TMEM254: variants seen among roughly 807,000 people sequenced by gnomAD.
The protein encoded by TMEM254 is transmembrane protein 254.
In TMEM254, 16 loss-of-function variants were observed where a neutral mutation model predicts 13.9. That is an observed-to-expected ratio of 1.15 (90% CI 0.78 to 1.75). The LOEUF (loss-of-function observed/expected upper bound fraction) is 1.75, where lower values mean the gene tolerates loss of function less well. TMEM254 is among the 40% of genes most tolerant of loss of function. The probability of loss-of-function intolerance (pLI) is 0.00; values close to 1 mark genes in which losing one functional copy is unlikely to be tolerated. For missense variants in TMEM254, 155 were observed against 149.0 expected (o/e 1.04, Z -0.21); for synonymous variants, 61 against 56.4 (o/e 1.08, Z -0.36).
At chr10:80,081,690 A>G (rs747385033) in intron 1 of TMEM254, 151 bp from the exon 2 acceptor site, 4 of 1,590,458 alleles carry the variant, frequency 2.5e-6, no homozygotes, top group African/African-American at 2.7e-5. Context: ...GAAAGAAAAT[A>G]GAAGCCAAGA....
intron 3 of TMEM254, 59 bp downstream of exon 3, chr10:80,082,263 G>C (rs1286887980): frequency 6.3e-6 from 10 of 1,575,954 alleles, no homozygotes; most frequent in African/African-American, 1.3e-5. Context: ...TAAATTGAGA[G>C]CAGCCACATT....
At chr10:80,079,142 C>T (rs894697056) in intron 1 of TMEM254, 12 of 1,307,650 alleles carry the variant, frequency 9.2e-6, no homozygotes, top group Non-Finnish European at 1.1e-5. Context: ...CAGCAAGACC[C>T]TTGCCCTCTC....
At chr10:80,079,155 G>T in intron 1 of TMEM254, 1 of 1,309,130 alleles carries the variant, frequency 7.6e-7, no homozygotes, top group Non-Finnish European at 1.0e-6. Context: ...GCCCTCTCTG[G>T]TCACAGTCCT....
chr10:80,089,685 G>GC (rs1485566244), intron 3 of TMEM254, among the ~76,000 whole-genome samples: 2 of 151,364 alleles, frequency 1.3e-5, no homozygotes, highest in Non-Finnish European at 2.9e-5. Context: ...CTCTGGGGGG[G>GC]TTGGAAAAAG....
At chr10:80,079,194 G>C (rs1391965305) in intron 1 of TMEM254, 1 of 1,292,776 alleles carries the variant, frequency 7.7e-7, no homozygotes, top group African/African-American at 1.5e-5. Context: ...GGTGAGGCGT[G>C]GGGTGGGGCG....
chr10:80,089,673 A>G (rs931486555), intron 3 of TMEM254, among the ~76,000 whole-genome samples: 3 of 122,858 alleles, frequency 2.4e-5, no homozygotes, highest in Admixed American at 1.5e-4. Flanking sequence ...GTGAGACCCC[A>G]TCTCTGGGGG....
intron 3 of TMEM254, chr10:80,086,303 C>T: frequency 1.4e-6 from 2 of 1,413,712 alleles, no homozygotes; most frequent in East Asian, 3.0e-5. Context: ...GAAAACCCTT[C>T]TCCGGGTTAC....
chr10:80,079,064 T>G, intron 1 of TMEM254: 1 of 1,458,548 alleles, frequency 6.9e-7, no homozygotes, highest in Non-Finnish European at 9.2e-7. Context: ...CAGCCAACTC[T>G]GTGTCTGGGT....
intron 3 of TMEM254, among the ~76,000 whole-genome samples, chr10:80,089,512 A>G (rs1844471136): frequency 6.6e-6 from 1 of 152,072 alleles, no homozygotes; most frequent in Non-Finnish European, 1.5e-5. Context: ...CTCTACAAAA[A>G]ACAAACAAAA....
intron 1 of TMEM254, 76 bp from the exon 2 acceptor site, chr10:80,081,765 C>T (rs1844041474): frequency 6.2e-7 from 1 of 1,609,836 alleles, no homozygotes; most frequent in African/African-American, 1.3e-5. Flanking sequence ...TGTTTCACAG[C>T]CTTTCTCAAA....
chr10:80,083,237 A>G (rs913106111), intron 3 of TMEM254, among the ~76,000 whole-genome samples: 4 of 151,436 alleles, frequency 2.6e-5, no homozygotes, highest in African/African-American at 9.7e-5. Flanking sequence ...CCCAGTAGCT[A>G]GGATTACAGA....
intron 1 of TMEM254, among the ~76,000 whole-genome samples, chr10:80,080,578 T>C (rs957781570): frequency 1.3e-5 from 2 of 152,218 alleles, no homozygotes; most frequent in Non-Finnish European, 2.9e-5. Context: ...GTAAAGAAAC[T>C]AGCCAAAGCA....
intron 1 of TMEM254, among the ~76,000 whole-genome samples, chr10:80,080,657 A>C (rs1843951611): frequency 6.6e-6 from 1 of 152,212 alleles, no homozygotes; most frequent in Non-Finnish European, 1.5e-5. Flanking sequence ...AATAGGAGTC[A>C]GCCAGGCATG....
chr10:80,081,527 G>T (rs1056184992), intron 1 of TMEM254: 1 of 656,008 alleles, frequency 1.5e-6, no homozygotes, highest in African/African-American at 1.8e-5. Context: ...AAGTAGCTGG[G>T]CATGGTGGCA....
intron 3 of TMEM254, among the ~76,000 whole-genome samples, chr10:80,085,357 C>T (rs556841615): frequency 1.3e-5 from 2 of 151,458 alleles, no homozygotes; most frequent in East Asian, 2.0e-4. Context: ...GTCAGGAGTT[C>T]GAGACCAGCG....
At chr10:80,087,326 A>G (rs1844363576) in intron 3 of TMEM254, among the ~76,000 whole-genome samples, 1 of 152,082 alleles carries the variant, frequency 6.6e-6, no homozygotes, top group African/African-American at 2.4e-5. Context: ...AAATTCCAAG[A>G]TCTGGAATTT....
chr10:80,091,709 A>C lies in TMEM254; in HGVS notation c.*792A>C, dbSNP rs1844579937. The C allele has an allele frequency of 6.6e-6, 1 of 152,210 alleles. No individual in the cohort carries two copies. The highest frequency in any genetic ancestry group is 1.5e-5 in the Non-Finnish European group (1 of 68,042). The allele number at this position is 152,210 out of a possible 1,614,324, so 9.4% of individuals were successfully genotyped here. ...TACCTTTCCCCTCAGCACCTGTCCC[A>C]CTATCTTGCACACAGGTGCTCTAAC... is the stretch of plus-strand genomic sequence containing the variant. On this transcript the variant is annotated 3_prime_UTR_variant, in exon 4 of 4. Coordinates refer to ENST00000372281, the MANE Select transcript of TMEM254 (RefSeq NM_025125.4).
At chr10:80,082,015 A>G in intron 2 of TMEM254, 71 bp downstream of exon 2, 1 of 1,573,928 alleles carries the variant, frequency 6.4e-7, no homozygotes, top group Non-Finnish European at 8.7e-7. Context: ...GAAGGCCTGC[A>G]GCTGCCTTTT....
At chr10:80,079,373 T>G (rs966615212) in intron 1 of TMEM254, 2 of 1,168,458 alleles carry the variant, frequency 1.7e-6, no homozygotes, top group African/African-American at 1.6e-5. Context: ...CTTTGGGTCC[T>G]CACCTCTGCA....
Sources: allele counts gnomAD v4.1 joint callset (sites outside exome capture counted in the v4.1 genomes callset), GRCh38; gene constraint gnomAD v4.1.1; transcripts MANE v1.5; gene names NCBI Gene and HGNC (gene_info 2026-07-23, HGNC 2026-07-21).